DIS3L2: variants seen among roughly 807,000 people sequenced by gnomAD.
DIS3L2 encodes DIS3 like 3'-5' exoribonuclease 2, also known as DIS3-like exonuclease 2.
In DIS3L2, 34 loss-of-function variants were observed where a neutral mutation model predicts 97.5. The observed-to-expected ratio is 0.35, with a 90% CI of 0.27 to 0.46. DIS3L2 has a LOEUF of 0.46. Ranked by LOEUF, DIS3L2 falls within the 20% of genes least tolerant of loss-of-function variation. The pLI, the probability that DIS3L2 is intolerant of heterozygous loss-of-function variation, is 1.00. For synonymous variants in DIS3L2, 435 were observed against 445.2 expected, an observed-to-expected ratio of 0.98 and a Z score of 0.29; for missense variants, 1,038 against 1,146.0, an observed-to-expected ratio of 0.91 and a Z score of 1.36.
chr2:232,133,288 G>A (rs1351322529), intron 7 of DIS3L2, among the ~76,000 whole-genome samples: 3 of 152,172 alleles, frequency 2.0e-5, no homozygotes, highest in African/African-American at 7.2e-5. Context: ...ACCAGCGGGA[G>A]CCCCAGTGAT....
chr2:232,225,860 C>T (rs1692630042), intron 10 of DIS3L2, among the ~76,000 whole-genome samples: 1 of 151,974 alleles, frequency 6.6e-6, no homozygotes, highest in Admixed American at 6.5e-5. Context: ...TAAAAAGAAA[C>T]AAAGTACACG....
chr2:232,116,215 T>A (rs1697705805), intron 6 of DIS3L2, among the ~76,000 whole-genome samples: 1 of 137,136 alleles, frequency 7.3e-6, no homozygotes, highest in African/African-American at 2.8e-5. Flanking sequence ...AATAAATAAA[T>A]AAATAAAACA....
At chr2:232,083,629 G>T (rs1229960123) in intron 5 of DIS3L2, among the ~76,000 whole-genome samples, 1 of 151,732 alleles carries the variant, frequency 6.6e-6, no homozygotes, top group Non-Finnish European at 1.5e-5. Flanking sequence ...TGAGTAGCTG[G>T]GATTACACAC....
intron 10 of DIS3L2, among the ~76,000 whole-genome samples, chr2:232,230,264 A>T (rs2106243297): frequency 6.6e-6 from 1 of 152,350 alleles, no homozygotes; most frequent in East Asian, 1.9e-4. Context: ...AAGGTGATCC[A>T]AGCCCAATTG....
chr2:232,020,128 G>A (rs1694472045), intron 3 of DIS3L2, among the ~76,000 whole-genome samples: 1 of 152,126 alleles, frequency 6.6e-6, no homozygotes, highest in African/African-American at 2.4e-5. Context: ...TATATTATGG[G>A]ACAAGTGGAG....
At chr2:232,203,110 T>G (rs1409004530) in intron 9 of DIS3L2, among the ~76,000 whole-genome samples, 1 of 152,220 alleles carries the variant, frequency 6.6e-6, no homozygotes. Flanking sequence ...TACATAAAAT[T>G]TGCTGATTTC....
chr2:232,053,842 T>G (rs1695473674), intron 5 of DIS3L2, among the ~76,000 whole-genome samples: 1 of 152,194 alleles, frequency 6.6e-6, no homozygotes, highest in East Asian at 1.9e-4. Flanking sequence ...TTTATGGTTT[T>G]TATGGAGGCC....
At position 231,987,811 on chromosome 2, in the gene DIS3L2, G is replaced by A. The variant is rs148499822; in HGVS notation, c.-94+26046G>A. 7.6e-3 allele frequency among the ~76,000 whole-genome samples: 1,164 copies of A among 152,194 alleles called. 16 individuals carry two copies. Among genetic ancestry groups the A allele is most frequent in the Middle Eastern group, 0.051 (15 of 294 alleles). On this transcript the variant is annotated intron_variant, in intron 1 of 20. Coordinates refer to ENST00000325385, the MANE Select transcript of DIS3L2 (RefSeq NM_152383.5). ...GTCATAGTTGTACTTTGGTGTTTTG[G>A]GAATGATTTTGGTCATTTTTCTTTT...
intron 8 of DIS3L2, among the ~76,000 whole-genome samples, chr2:232,142,247 C>G (rs1397737947): frequency 6.6e-6 from 1 of 152,072 alleles, no homozygotes; most frequent in Non-Finnish European, 1.5e-5. Context: ...CTGTTGGGCT[C>G]CACCTGGTGG....
chr2:232,042,701 C>T (rs1483602884), intron 5 of DIS3L2, among the ~76,000 whole-genome samples: 1 of 152,160 alleles, frequency 6.6e-6, no homozygotes, highest in Non-Finnish European at 1.5e-5. Context: ...GTTGAAATGT[C>T]TGAAATAAGG....
intron 5 of DIS3L2, among the ~76,000 whole-genome samples, chr2:232,069,758 A>G (rs906478728): frequency 2.3e-4 from 35 of 152,228 alleles, no homozygotes; most frequent in African/African-American, 8.2e-4. Context: ...ATCCTTCTCT[A>G]TGAGGAGAGA....
intron 16 of DIS3L2, among the ~76,000 whole-genome samples, chr2:232,333,624 AC>A (rs1695837845): frequency 6.6e-6 from 1 of 152,002 alleles, no homozygotes; most frequent in African/African-American, 2.4e-5. Flanking sequence ...GGACATGGGT[AC>A]CCCTGGGCTC....
chr2:232,278,193 C>T (rs575248949), intron 13 of DIS3L2, among the ~76,000 whole-genome samples: 473 of 152,162 alleles, frequency 3.1e-3, no homozygotes, highest in African/African-American at 0.01. Flanking sequence ...ATCAACTCTT[C>T]AATCCTCTTT....
chr2:232,031,836 C>T (rs1234489835), intron 5 of DIS3L2, among the ~76,000 whole-genome samples: 1 of 152,100 alleles, frequency 6.6e-6, no homozygotes, highest in African/African-American at 2.4e-5. Flanking sequence ...TAAACTCATT[C>T]TTTTTTATGG....
intron 1 of DIS3L2, among the ~76,000 whole-genome samples, chr2:231,986,548 G>A (rs1229265779): frequency 6.6e-6 from 1 of 152,098 alleles, no homozygotes; most frequent in African/African-American, 2.4e-5. Context: ...TTTAATCTGG[G>A]AACAGCTCTT....
intron 9 of DIS3L2, among the ~76,000 whole-genome samples, chr2:232,190,784 G>A (rs182285190): frequency 3.0e-4 from 46 of 152,014 alleles, no homozygotes; most frequent in Middle Eastern, 3.4e-3. Flanking sequence ...TGAGGGAAGA[G>A]GACCAAGGAT....
downstream of DIS3L2, among the ~76,000 whole-genome samples, chr2:232,339,323 G>A (rs1696057458): frequency 6.6e-6 from 1 of 152,240 alleles, no homozygotes. Context: ...TGCAGAAGCA[G>A]CACCAGAGGC....
At chr2:232,340,874 C>T (rs772780721), downstream of DIS3L2, 11 of 471,202 alleles carry the variant, frequency 2.3e-5, no homozygotes, top group Middle Eastern at 3.2e-4. Flanking sequence ...GATTGCCCTT[C>T]GTGGAGGAAA....
chr2:232,286,425 A>T (rs1241548397), intron 13 of DIS3L2, among the ~76,000 whole-genome samples: 2 of 152,174 alleles, frequency 1.3e-5, no homozygotes, highest in African/African-American at 4.8e-5. Context: ...AGCCACAGAG[A>T]GAGTGTTTCC....
Sources: gnomAD v4.1 joint callset for allele counts (sites outside exome capture counted in the v4.1 genomes callset) on GRCh38, gnomAD v4.1.1 for gene constraint, MANE v1.5 for transcripts, NCBI Gene and HGNC (gene_info 2026-07-23, HGNC 2026-07-21) for gene names.